The following CADPS variants were observed in gnomAD, a reference collection of about 807,000 sequenced individuals.
CADPS encodes calcium-dependent secretion activator 1.
In CADPS, 57 loss-of-function variants were observed where a neutral mutation model predicts 167.3. That is an observed-to-expected ratio of 0.34 (90% CI 0.28 to 0.42). The LOEUF (loss-of-function observed/expected upper bound fraction) is 0.42, where lower values mean the gene tolerates loss of function less well. Ranked by LOEUF, CADPS falls within the 20% of genes least tolerant of loss-of-function variation. CADPS has a pLI of 1.00. For missense variants in CADPS, 1,414 were observed against 1,738.1 expected, an observed-to-expected ratio of 0.81 and a Z score of 3.32; for synonymous variants, 676 against 635.3, an observed-to-expected ratio of 1.06 and a Z score of -0.96.
At chr3:62,439,395 T>A (rs906904541) in intron 27 of CADPS, 6 of 152,224 alleles carry the variant, frequency 3.9e-5, no homozygotes, top group African/African-American at 1.4e-4. Flanking sequence ...TAACATTTCT[T>A]AACACCTGCT....
intron 3 of CADPS, among the ~76,000 whole-genome samples, chr3:62,728,378 A>AG (rs2077143213): frequency 6.6e-6 from 1 of 151,658 alleles, no homozygotes; most frequent in South Asian, 2.1e-4. Context: ...TAATTAGGAA[A>AG]ATTTTTTCTA....
In CADPS at chr3:62,576,788, T is replaced by TAAAAAAAAAA. The variant is rs138055445; in HGVS notation, c.1578-5860_1578-5851dup. Among the ~76,000 whole-genome samples, 144 of 29,852 alleles carry TAAAAAAAAAA rather than the reference T, an allele frequency of 4.8e-3. 17 individuals are homozygous for TAAAAAAAAAA. Among genetic ancestry groups the TAAAAAAAAAA allele is most frequent in the African/African-American group, 0.014 (118 of 8,192 alleles). 19.6% of individuals were successfully genotyped at this position (29,852 alleles called of 152,430 possible). ...CTGGGTGACAGAGCAAGACTCTGTC[T>TAAAAAAAAAA]AAAAAAAAAAAAAAAAAAAAAAAAA... On this transcript the variant is annotated intron_variant, in intron 8 of 29. Coordinates refer to ENST00000383710, the MANE Select transcript of CADPS (RefSeq NM_003716.4).
chr3:62,809,296 A>G (rs1200548638), intron 1 of CADPS, among the ~76,000 whole-genome samples: 1 of 152,216 alleles, frequency 6.6e-6, no homozygotes, highest in Non-Finnish European at 1.5e-5. Flanking sequence ...ATAGCATTCA[A>G]ACTGTTTCCT....
In CADPS at chr3:62,465,966, C is replaced by G. The variant is rs185138311; in HGVS notation, c.3552+373G>C. Among the ~76,000 whole-genome samples the G allele has an allele frequency of 6.6e-6, 1 of 152,280 alleles. No individual in the cohort carries two copies. The highest frequency in any genetic ancestry group is 1.9e-4 in the East Asian group (1 of 5,186). On this transcript the variant is annotated intron_variant, in intron 25 of 29. Coordinates refer to ENST00000383710, the MANE Select transcript of CADPS (RefSeq NM_003716.4). This position sits in a 1 kb window ranked among gnomAD's most constrained non-coding sequence, Gnocchi z 4.1. ...CTGACTTTTATGTTTTATTATGACT[C>G]TCACTGCATGTGAAACTAGAGGAAA...
intron 6 of CADPS, among the ~76,000 whole-genome samples, chr3:62,599,723 A>ACATAG (rs1247045503): frequency 0.067 from 2,749 of 41,326 alleles, 986 homozygotes; most frequent in Non-Finnish European, 0.088. Flanking sequence ...TATATAATAT[A>ACATAG]TATAGTATAT....
intron 1 of CADPS, among the ~76,000 whole-genome samples, chr3:62,832,498 C>G (rs7640156): frequency 2.0e-5 from 3 of 152,076 alleles, no homozygotes; most frequent in Non-Finnish European, 2.9e-5. Flanking sequence ...CAGCATAAAA[C>G]GTGACCAGGA....
intron 28 of CADPS, among the ~76,000 whole-genome samples, chr3:62,411,872 C>T (rs1340779345): frequency 2.0e-5 from 3 of 152,222 alleles, no homozygotes; most frequent in Non-Finnish European, 4.4e-5. Context: ...CCTCCAAATG[C>T]GTTCAAGAAC....
In CADPS at chr3:62,550,824, C is replaced by G. The variant is rs1313489237; in HGVS notation, c.1754-709G>C. 6.6e-6 allele frequency: 3 copies of G among 456,588 alleles called. No individual in the cohort carries two copies. The East Asian group carries it at 2.1e-4, about 32-fold the overall frequency. The allele number at this position is 456,588 out of a possible 1,614,324, so 28.3% of individuals were successfully genotyped here. ...AATCCAATGACTGATTAAAAGCCCTCATTTTATTGGGCCCACCCACCTATC... is the reference window on the plus strand; with the variant it reads ...AATCCAATGACTGATTAAAAGCCCTGATTTTATTGGGCCCACCCACCTATC... On this transcript the variant is annotated intron_variant, in intron 10 of 29. Transcript: ENST00000383710.
At chr3:62,678,093 A>G (rs932705851) in intron 3 of CADPS, among the ~76,000 whole-genome samples, 1 of 151,774 alleles carries the variant, frequency 6.6e-6, no homozygotes, top group Non-Finnish European at 1.5e-5. Flanking sequence ...ATCTTCTAAC[A>G]CTCTGTCACA....
chr3:62,569,189 C>T (rs1264607125), intron 9 of CADPS, among the ~76,000 whole-genome samples: 1 of 152,192 alleles, frequency 6.6e-6, no homozygotes, highest in Non-Finnish European at 1.5e-5. Context: ...CAACCTCCAC[C>T]TCCCTGGTTC....
intron 1 of CADPS, among the ~76,000 whole-genome samples, chr3:62,856,662 A>C (rs2079746096): frequency 6.6e-6 from 1 of 151,972 alleles, no homozygotes; most frequent in South Asian, 2.1e-4. Context: ...GCTTTCTACC[A>C]GGAGCTCAAA....
chr3:62,751,131 T>C (rs2082600082), intron 3 of CADPS, among the ~76,000 whole-genome samples: 1 of 152,188 alleles, frequency 6.6e-6, no homozygotes, highest in South Asian at 2.1e-4. Context: ...GTTTAGAGAA[T>C]AGCCATCTCT....
intron 6 of CADPS, among the ~76,000 whole-genome samples, chr3:62,643,425 T>C (rs1249635021): frequency 2.6e-5 from 4 of 152,218 alleles, no homozygotes; most frequent in African/African-American, 9.6e-5. Context: ...CAAAAATGTA[T>C]ACTTCTTACT....
chr3:62,513,052 G>C lies in CADPS; in HGVS notation c.2582-284C>G, dbSNP rs2068186716. Among the ~76,000 whole-genome samples, 3 of 152,116 alleles carry C rather than the reference G, an allele frequency of 2.0e-5. No homozygotes were observed. The South Asian group carries it at 6.2e-4, about 31-fold the overall frequency. ...CATGAACTCTCCAAGTGACAATTAA[G>C]TCATATGTTCTAGGCAAAGTTTAGA... On this transcript the variant is annotated intron_variant, in intron 16 of 29. Coordinates refer to ENST00000383710, the MANE Select transcript of CADPS (RefSeq NM_003716.4).
chr3:62,578,639 CA>C (rs2082797622), intron 8 of CADPS, among the ~76,000 whole-genome samples: 1 of 40,268 alleles, frequency 2.5e-5, no homozygotes, highest in Non-Finnish European at 9.7e-5. Context: ...AAAGACTTAA[CA>C]ATCTTAAATG....
rs2074013018 is a variant in CADPS at position 62,532,917 on chromosome 3, G to T, written c.2245C>A (p.Leu749Ile). 3 of 1,613,794 alleles carry T rather than the reference G, an allele frequency of 1.9e-6. No homozygotes were observed. In the East Asian group the frequency reaches 6.7e-5, roughly 36 times the overall value. ...ENGAMIDPTLLHYSFAFCASH... is the reference protein window; with the variant it reads ...ENGAMIDPTLIHYSFAFCASH... ...GCACAGAAGGCAAAGCTGTAGTGAAGAAGGGTGGGGTCGATCATGGCGCCA... is the reference window on the plus strand; with the variant it reads ...GCACAGAAGGCAAAGCTGTAGTGAATAAGGGTGGGGTCGATCATGGCGCCA... Residue 749 changes from leucine (L) to isoleucine (I), a missense_variant, in exon 13 of 30, where the codon CTT becomes ATT. Physicochemically the swap from Leu to Ile is conservative, Grantham distance 5 (BLOSUM62 2). This residue lies in a region of CADPS where 529 missense variants were observed against 629.6 expected (regional missense o/e 0.84). Transcript: ENST00000383710.
chr3:62,638,689 C>G (rs2066822510), intron 6 of CADPS, among the ~76,000 whole-genome samples: 1 of 152,138 alleles, frequency 6.6e-6, no homozygotes, highest in South Asian at 2.1e-4. Flanking sequence ...ACTCCAGCCA[C>G]TACTTGATCA....
chr3:62,559,932 A>G (rs576447150), intron 9 of CADPS, among the ~76,000 whole-genome samples: 1 of 151,962 alleles, frequency 6.6e-6, no homozygotes, highest in South Asian at 2.1e-4. Flanking sequence ...GTGTTATTTC[A>G]AGATTTATGC....
chr3:62,761,280 T>G (rs1482730614), intron 2 of CADPS, among the ~76,000 whole-genome samples: 1 of 152,110 alleles, frequency 6.6e-6, no homozygotes, highest in Non-Finnish European at 1.5e-5. Context: ...ACAGTCGGTT[T>G]CTGTTGCTAG....
Sources: gnomAD v4.1 joint callset for allele counts (sites outside exome capture counted in the v4.1 genomes callset) on GRCh38, gnomAD v4.1.1 for gene constraint, gnomAD v4.1.1 regional missense constraint, Gnocchi (gnomAD v3.1) non-coding constraint, MANE v1.5 for transcripts, NCBI Gene and HGNC (gene_info 2026-07-23, HGNC 2026-07-21) for gene names.